MAPK10: variants seen among roughly 807,000 people sequenced by gnomAD.
The protein encoded by MAPK10 is JNK3 alpha protein kinase.
Under a neutral mutation model 59.3 loss-of-function variants are expected in MAPK10, and 25 were observed. That is an observed-to-expected ratio of 0.42 (90% confidence interval 0.31 to 0.59). The LOEUF is 0.59. Ranked by LOEUF, MAPK10 falls within the 20% of genes least tolerant of loss-of-function variation. The probability of loss-of-function intolerance (pLI) is 0.15; values close to 1 mark genes in which losing one functional copy is unlikely to be tolerated. For synonymous variants in MAPK10, 190 were observed against 200.5 expected (o/e 0.95, Z 0.44); for missense variants, 351 against 568.9 (o/e 0.62, Z 3.90).
chr4:86,192,602 G>C (rs947263741), intron 3 of MAPK10: 1 of 151,788 alleles, frequency 6.6e-6, no homozygotes, highest in Non-Finnish European at 1.5e-5. Context: ...AAGTTCTCAC[G>C]CTGTGTGTTT....
At chr4:86,313,385 T>G (rs2095710238) in intron 2 of MAPK10, among the ~76,000 whole-genome samples, 1 of 152,098 alleles carries the variant, frequency 6.6e-6, no homozygotes, top group African/African-American at 2.4e-5. Context: ...AAGGTTGATA[T>G]ATTGAACCTT....
intron 13 of MAPK10, chr4:86,020,179 T>C (rs964355343): frequency 2.6e-5 from 4 of 152,270 alleles, no homozygotes; most frequent in African/African-American, 9.6e-5. Context: ...AAGCATATCA[T>C]ATGTGATCAT....
intron 1 of MAPK10, among the ~76,000 whole-genome samples, chr4:86,545,607 T>G (rs1229145852): frequency 6.6e-6 from 1 of 152,170 alleles, no homozygotes; most frequent in East Asian, 1.9e-4. Flanking sequence ...TATTGTATTT[T>G]TCATGGTGGG....
At chr4:86,474,051 GT>G (rs979078123) in intron 1 of MAPK10, among the ~76,000 whole-genome samples, 10 of 152,026 alleles carry the variant, frequency 6.6e-5, no homozygotes, top group Non-Finnish European at 1.5e-4. Context: ...TATGTACTTT[GT>G]TATTCACAAA....
rs1431334135 is a variant in MAPK10, at chr4:86,030,601, G to C, written c.1174+767C>G. On this transcript the variant is annotated intron_variant, in intron 12 of 13. Transcript: ENST00000641462. ...CCCAGCCTCAGCCTCCCAAACTGCT[G>C]GGATTACAGGTGTGAGTCATCGCTC... is the stretch of plus-strand genomic sequence containing the variant. Among the ~76,000 whole-genome samples the C allele has an allele frequency of 1.9e-4, 29 of 152,154 alleles. 1 individual carries two copies. The highest frequency in any genetic ancestry group is 1.8e-3 in the Admixed American group (27 of 15,272).
chr4:86,148,307 GA>G (rs1335043504), intron 4 of MAPK10, among the ~76,000 whole-genome samples: 1 of 152,138 alleles, frequency 6.6e-6, no homozygotes, highest in Non-Finnish European at 1.5e-5. Context: ...GATTCCCAGG[GA>G]AAATGGCAAG....
intron 2 of MAPK10, among the ~76,000 whole-genome samples, chr4:86,244,515 C>T (rs967133506): frequency 1.3e-5 from 2 of 152,106 alleles, no homozygotes; most frequent in Non-Finnish European, 1.5e-5. Context: ...AAATGAAGGT[C>T]GAGTTCTAGT....
intron 2 of MAPK10, among the ~76,000 whole-genome samples, chr4:86,349,073 A>G (rs1221014716): frequency 6.6e-6 from 1 of 152,250 alleles, no homozygotes; most frequent in African/African-American, 2.4e-5. Context: ...CAGTTTGTTT[A>G]GGAAAGTAAG....
At chr4:86,505,278 C>T (rs1196371499) in intron 1 of MAPK10, among the ~76,000 whole-genome samples, 1 of 151,918 alleles carries the variant, frequency 6.6e-6, no homozygotes, top group Non-Finnish European at 1.5e-5. Context: ...TATAACCTGC[C>T]CATGTACCCC....
rs10639041 is a variant in MAPK10 at position 86,216,295 on chromosome 4, C to CATATATATATAT, written c.-6-21900_-6-21889dup. Reference sequence around the variant, plus strand: ...ATAGCACACACACATATATATATAGCATATATATATATATATATATATAGC... The same window carrying CATATATATATAT: ...ATAGCACACACACATATATATATAGCATATATATATATATATATATATATATATATATATAGC... On this transcript the variant is annotated intron_variant, in intron 2 of 13. Coordinates refer to ENST00000641462, the MANE Select transcript of MAPK10 (RefSeq NM_138982.4). 2.6e-3 allele frequency among the ~76,000 whole-genome samples: 338 copies of CATATATATATAT among 131,088 alleles called. 2 individuals are homozygous for CATATATATATAT. The highest frequency in any genetic ancestry group is 9.6e-3 in the African/African-American group (302 of 31,316). The allele number at this position is 131,088 out of a possible 152,430, so 86.0% of individuals were successfully genotyped here.
At chr4:86,314,707 T>C (rs1272869459) in intron 2 of MAPK10, among the ~76,000 whole-genome samples, 2 of 152,190 alleles carry the variant, frequency 1.3e-5, no homozygotes, top group African/African-American at 2.4e-5. Flanking sequence ...GAAGTTGTTG[T>C]TGTTTTCTGA....
chr4:86,372,858 G>A (rs1450092467), intron 1 of MAPK10, among the ~76,000 whole-genome samples: 1 of 152,042 alleles, frequency 6.6e-6, no homozygotes, highest in African/African-American at 2.4e-5. Flanking sequence ...AAGAACTAGA[G>A]AAGCAAGAGC....
At chr4:86,093,245 C>G (rs1376662622) in intron 9 of MAPK10, among the ~76,000 whole-genome samples, 1 of 151,926 alleles carries the variant, frequency 6.6e-6, no homozygotes, top group African/African-American at 2.4e-5. Flanking sequence ...TGTTTCCTCT[C>G]TGGGGGATTA....
intron 1 of MAPK10, among the ~76,000 whole-genome samples, chr4:86,474,886 T>C (rs1247651568): frequency 6.6e-6 from 1 of 152,192 alleles, no homozygotes; most frequent in Non-Finnish European, 1.5e-5. Flanking sequence ...AAATGGCCTG[T>C]TCCTGCCTTA....
At chr4:86,448,540 T>C (rs1306945272) in intron 1 of MAPK10, among the ~76,000 whole-genome samples, 1 of 152,162 alleles carries the variant, frequency 6.6e-6, no homozygotes, top group African/African-American at 2.4e-5. Flanking sequence ...TTTTAACTTT[T>C]TAAATGTAGA....
intron 1 of MAPK10, among the ~76,000 whole-genome samples, chr4:86,514,900 G>A (rs753374529): frequency 1.3e-5 from 2 of 152,084 alleles, no homozygotes; most frequent in Non-Finnish European, 2.9e-5. Context: ...TTGGTTACTT[G>A]GATAAGTTCT....
At chr4:86,024,554 A>G (rs571237980) in intron 13 of MAPK10, 5 of 152,282 alleles carry the variant, frequency 3.3e-5, no homozygotes, top group Admixed American at 3.3e-4. Flanking sequence ...TACTGCTTTC[A>G]TTATACTTCA....
intron 1 of MAPK10, among the ~76,000 whole-genome samples, chr4:86,462,615 T>C (rs1751845839): frequency 6.6e-6 from 1 of 151,996 alleles, no homozygotes; most frequent in Non-Finnish European, 1.5e-5. Flanking sequence ...GTAGCTGGAG[T>C]TGGTAAAGCC....
At chr4:86,030,834 A>C (rs2038864095) in intron 12 of MAPK10, among the ~76,000 whole-genome samples, 1 of 152,086 alleles carries the variant, frequency 6.6e-6, no homozygotes, top group South Asian at 2.1e-4. Context: ...ACTTTCTCAT[A>C]TTTATTCTAT....
Sources: allele counts gnomAD v4.1 joint callset (sites outside exome capture counted in the v4.1 genomes callset), GRCh38; gene constraint gnomAD v4.1.1; transcripts MANE v1.5; gene names NCBI Gene and HGNC (gene_info 2026-07-23, HGNC 2026-07-21).